RAB3C: variants seen among roughly 807,000 people sequenced by gnomAD.
The protein encoded by RAB3C is ras-related protein Rab-3C.
RAB3C carries 17 observed loss-of-function variants against 26.4 expected under a neutral mutation model. That is an observed-to-expected ratio of 0.64 (90% CI 0.44 to 0.97). RAB3C has a LOEUF of 0.97. Among genes scored for constraint, RAB3C ranks in the 50% least tolerant of loss-of-function variants. The probability of loss-of-function intolerance (pLI) is 0.00; values close to 1 mark genes in which losing one functional copy is unlikely to be tolerated. For missense variants in RAB3C, 242 were observed against 281.9 expected, an observed-to-expected ratio of 0.86 and a Z score of 1.01; for synonymous variants, 91 against 95.9, an observed-to-expected ratio of 0.95 and a Z score of 0.30.
chr5:58,736,091 T>C (rs1466484091), intron 3 of RAB3C, among the ~76,000 whole-genome samples: 1 of 152,196 alleles, frequency 6.6e-6, no homozygotes, highest in Non-Finnish European at 1.5e-5. Flanking sequence ...AGCTAAGTTT[T>C]CAAATGTGTT....
At chr5:58,815,488 A>T (rs540048663) in intron 3 of RAB3C, among the ~76,000 whole-genome samples, 8 of 152,314 alleles carry the variant, frequency 5.3e-5, no homozygotes, top group Non-Finnish European at 8.8e-5. Context: ...AGTCACACAG[A>T]TGTCCTTTGC....
Position 58,851,767 on chromosome 5 carries a change from C to T in RAB3C, c.*416C>T. 1 of 147,084 alleles carries T rather than the reference C, an allele frequency of 6.8e-6. No homozygotes were observed. Among genetic ancestry groups the T allele is most frequent in the Non-Finnish European group, 1.5e-5 (1 of 67,102 alleles). The allele number at this position is 147,084 out of a possible 1,614,324, so 9.1% of individuals were successfully genotyped here. A position where few individuals can be genotyped will look rare whatever the true frequency, so the allele number is the denominator to read the frequency against. On this transcript the variant is annotated 3_prime_UTR_variant, in exon 5 of 5. Transcript: ENST00000282878. ...GTGTGTGTGTGTGTGTGTGTGTGTG[C>T]ACGCATGCCCGCATGCGTGCAGAGG...
At chr5:58,665,930 GT>G (rs991182606) in intron 2 of RAB3C, among the ~76,000 whole-genome samples, 23 of 152,234 alleles carry the variant, frequency 1.5e-4, no homozygotes, top group African/African-American at 5.1e-4. Flanking sequence ...ATCCTTTAAT[GT>G]AGGAGTCAGT....
At chr5:58,799,548 A>G (rs375379250) in intron 3 of RAB3C, among the ~76,000 whole-genome samples, 2 of 152,142 alleles carry the variant, frequency 1.3e-5, no homozygotes, top group African/African-American at 2.4e-5. Flanking sequence ...TCAACGTGAA[A>G]TGGTCTTTAA....
intron 3 of RAB3C, chr5:58,816,946 A>AG (rs1375475905): frequency 2.8e-4 from 43 of 152,342 alleles, no homozygotes; most frequent in Admixed American, 2.8e-3. Context: ...TCCTTGGGGC[A>AG]TCTCATTTCT....
At chr5:58,785,204 G>T (rs1200261790) in intron 3 of RAB3C, among the ~76,000 whole-genome samples, 1 of 152,182 alleles carries the variant, frequency 6.6e-6, no homozygotes, top group African/African-American at 2.4e-5. Context: ...TTATCTGCAC[G>T]ATGGAAACGT....
At chr5:58,689,020 T>C (rs1748507345) in intron 2 of RAB3C, among the ~76,000 whole-genome samples, 1 of 152,114 alleles carries the variant, frequency 6.6e-6, no homozygotes, top group Admixed American at 6.6e-5. Context: ...GCTAAGCATC[T>C]CCAAGTTTAT....
chr5:58,655,077 C>G (rs1182610069), intron 2 of RAB3C, among the ~76,000 whole-genome samples: 1 of 152,050 alleles, frequency 6.6e-6, no homozygotes, highest in Non-Finnish European at 1.5e-5. Flanking sequence ...AAAGACAGAC[C>G]TATATGATCA....
intron 3 of RAB3C, among the ~76,000 whole-genome samples, chr5:58,771,626 C>G (rs965878807): frequency 4.6e-5 from 7 of 151,960 alleles, no homozygotes; most frequent in Admixed American, 2.6e-4. Flanking sequence ...TTTTCAGAGT[C>G]TAGGTATTGT....
intron 3 of RAB3C, among the ~76,000 whole-genome samples, chr5:58,749,709 T>G (rs1741481594): frequency 6.6e-6 from 1 of 152,186 alleles, no homozygotes; most frequent in South Asian, 2.1e-4. Context: ...TTTGTCATAT[T>G]CATCAAAATA....
At chr5:58,806,479 A>G (rs1742940225) in intron 3 of RAB3C, among the ~76,000 whole-genome samples, 2 of 152,202 alleles carry the variant, frequency 1.3e-5, no homozygotes, top group South Asian at 2.1e-4. Context: ...AAACTGTACT[A>G]CTTCATACCA....
At chr5:58,638,719 C>T (rs778089083) in intron 2 of RAB3C, among the ~76,000 whole-genome samples, 3 of 152,182 alleles carry the variant, frequency 2.0e-5, no homozygotes, top group African/African-American at 7.2e-5. Context: ...TCACCTCGGG[C>T]ACTGAACGTA....
At chr5:58,695,449 A>G (rs976400568) in intron 2 of RAB3C, among the ~76,000 whole-genome samples, 11 of 152,318 alleles carry the variant, frequency 7.2e-5, no homozygotes, top group Non-Finnish European at 1.0e-4. Flanking sequence ...GGTTTTTCCA[A>G]TTCTGTGAAG....
intron 4 of RAB3C, among the ~76,000 whole-genome samples, chr5:58,839,817 G>A: frequency 6.6e-6 from 1 of 151,974 alleles, no homozygotes; most frequent in East Asian, 1.9e-4. Flanking sequence ...TGGTAATGAT[G>A]AATTTCCTTG....
chr5:58,834,274 C>A (rs1463004902), intron 4 of RAB3C, among the ~76,000 whole-genome samples: 1 of 152,228 alleles, frequency 6.6e-6, no homozygotes, highest in Admixed American at 6.5e-5. Flanking sequence ...GGTGGGCATG[C>A]ACCCACCTTG....
rs560619973 is a variant in RAB3C, at chr5:58,678,276, G to A, written c.253-47726G>A. On this transcript the variant is annotated intron_variant, in intron 2 of 4. Coordinates refer to ENST00000282878, the MANE Select transcript of RAB3C (RefSeq NM_138453.4). ...TTTGGTGGCTAGGAATGAAACTTAT[G>A]TAGGTCCATGTTCGGTATTTGATAA... is the stretch of plus-strand genomic sequence containing the variant. 7.1e-4 allele frequency among the ~76,000 whole-genome samples: 108 copies of A among 152,188 alleles called. 4 individuals are homozygous for A. In the South Asian group the frequency reaches 0.021, roughly 30 times the overall value.
chr5:58,591,988 T>C (rs1182226382), intron 1 of RAB3C, among the ~76,000 whole-genome samples: 2 of 150,212 alleles, frequency 1.3e-5, no homozygotes, highest in African/African-American at 2.4e-5. Flanking sequence ...AACCTCTGCC[T>C]CCCGGGTTCA....
intron 3 of RAB3C, among the ~76,000 whole-genome samples, chr5:58,738,474 A>C (rs1270522475): frequency 6.6e-6 from 1 of 152,172 alleles, no homozygotes; most frequent in African/African-American, 2.4e-5. Context: ...ACATGTTAGC[A>C]GTTAATGTGC....
intron 4 of RAB3C, among the ~76,000 whole-genome samples, chr5:58,828,118 T>C (rs1352728401): frequency 6.6e-6 from 1 of 152,226 alleles, no homozygotes; most frequent in Non-Finnish European, 1.5e-5. Context: ...AAAATTCTTG[T>C]ATGGCAGCTG....
Sources: allele counts gnomAD v4.1 joint callset (sites outside exome capture counted in the v4.1 genomes callset), GRCh38; gene constraint gnomAD v4.1.1; transcripts MANE v1.5; gene names NCBI Gene and HGNC (gene_info 2026-07-23, HGNC 2026-07-21).